ROBO2: variants seen among roughly 807,000 people sequenced by gnomAD.
ROBO2 encodes roundabout guidance receptor 2.
In ROBO2, 53 loss-of-function variants were observed where a neutral mutation model predicts 160.8. That is an observed-to-expected ratio of 0.33 (90% CI 0.26 to 0.41). ROBO2 has a LOEUF of 0.41. Ranked by LOEUF, ROBO2 falls within the 10% of genes least tolerant of loss-of-function variation. The pLI is 1.00. For missense variants in ROBO2, 1,577 were observed against 1,722.4 expected (o/e 0.92, Z 1.49); for synonymous variants, 664 against 611.7 (o/e 1.09, Z -1.26).
chr3:77,215,682 G>C (rs1381650119), intron 2 of ROBO2, among the ~76,000 whole-genome samples: 1 of 152,096 alleles, frequency 6.6e-6, no homozygotes, highest in Non-Finnish European at 1.5e-5. Context: ...CAGTTTTTCT[G>C]CTCTGTTTTT....
At chr3:76,472,721 T>G (rs1038786077) in intron 2 of ROBO2, among the ~76,000 whole-genome samples, 3 of 152,198 alleles carry the variant, frequency 2.0e-5, no homozygotes, top group Non-Finnish European at 4.4e-5. Flanking sequence ...TTCAATTTAA[T>G]TGGTCTTATA....
At position 76,653,585 on chromosome 3, in the gene ROBO2, TA is replaced by T. The variant is rs111469358; in HGVS notation, c.110-444426del. ...TATATCTTACTATCCTGCTTTTTTT[TA>T]AATTATACACACAGAGTTCATCAGT... On this transcript the variant is annotated intron_variant, in intron 2 of 26. Transcript: ENST00000487694. Among the ~76,000 whole-genome samples the T allele has an allele frequency of 4.2e-3, 636 of 152,164 alleles. 8 individuals carry two copies. The highest frequency in any genetic ancestry group is 0.034 in the South Asian group (164 of 4,824).
At chr3:77,028,842 TA>T (rs1361285136) in intron 2 of ROBO2, among the ~76,000 whole-genome samples, 17 of 152,244 alleles carry the variant, frequency 1.1e-4, no homozygotes, top group Admixed American at 2.6e-4. Flanking sequence ...ATTTGTGACA[TA>T]TTCTCTGTAC....
intron 2 of ROBO2, among the ~76,000 whole-genome samples, chr3:76,737,978 A>G (rs2093741632): frequency 6.6e-6 from 1 of 151,988 alleles, no homozygotes; most frequent in South Asian, 2.1e-4. Context: ...ACAAAAAAAT[A>G]CAAAAATTAG....
At chr3:76,315,158 C>T (rs956906307) in intron 2 of ROBO2, among the ~76,000 whole-genome samples, 1 of 152,164 alleles carries the variant, frequency 6.6e-6, no homozygotes, top group African/African-American at 2.4e-5. Context: ...CATGTCCCAC[C>T]CATTCTGGCA....
At chr3:76,797,407 C>T (rs1182691637) in intron 2 of ROBO2, among the ~76,000 whole-genome samples, 1 of 151,860 alleles carries the variant, frequency 6.6e-6, no homozygotes. Flanking sequence ...GGAAACACAA[C>T]ATACCAAAAC....
At chr3:76,361,625 G>T (rs1216911245) in intron 2 of ROBO2, among the ~76,000 whole-genome samples, 3 of 152,032 alleles carry the variant, frequency 2.0e-5, no homozygotes, top group Non-Finnish European at 4.4e-5. Flanking sequence ...AAACATTGTA[G>T]TTCAAACTCT....
intron 5 of ROBO2, among the ~76,000 whole-genome samples, chr3:77,522,441 C>A (rs1263395468): frequency 6.6e-6 from 1 of 150,944 alleles, no homozygotes; most frequent in Non-Finnish European, 1.5e-5. Context: ...ATATAACTCA[C>A]CAAGAAACTG....
At chr3:76,937,251 T>G (rs1357783161) in intron 2 of ROBO2, among the ~76,000 whole-genome samples, 1 of 152,202 alleles carries the variant, frequency 6.6e-6, no homozygotes, top group Non-Finnish European at 1.5e-5. Flanking sequence ...GATTCAAATG[T>G]CTACCTTACA....
intron 2 of ROBO2, among the ~76,000 whole-genome samples, chr3:76,462,935 A>AT (rs2078164373): frequency 6.6e-6 from 1 of 152,148 alleles, no homozygotes; most frequent in African/African-American, 2.4e-5. Flanking sequence ...GCTTAAGTAA[A>AT]TTGGCTGATT....
intron 2 of ROBO2, among the ~76,000 whole-genome samples, chr3:76,682,265 C>T (rs2092582840): frequency 6.6e-6 from 1 of 152,100 alleles, no homozygotes; most frequent in Non-Finnish European, 1.5e-5. Flanking sequence ...ACCAATTTAG[C>T]TTCATCTATG....
intron 2 of ROBO2, among the ~76,000 whole-genome samples, chr3:77,171,758 T>G (rs981469743): frequency 6.6e-6 from 1 of 152,198 alleles, no homozygotes; most frequent in African/African-American, 2.4e-5. Context: ...TCCACCAGAT[T>G]TTCTATAAAG....
intron 2 of ROBO2, among the ~76,000 whole-genome samples, chr3:76,737,198 A>G (rs62261767): frequency 0.02 from 3,038 of 152,286 alleles, 48 homozygotes; most frequent in Non-Finnish European, 0.029. Context: ...AAACTTTTGT[A>G]TGAAGTTTTA....
rs558715124 is a variant in ROBO2, at chr3:77,452,561, AT to A, written c.389-24852del. On this transcript the variant is annotated intron_variant, in intron 2 of 25. Coordinates refer to ENST00000461745, the Ensembl canonical transcript of ROBO2. ...TACATTCGATATTCTCATTCACAAAATGGCAATATAATAATACGTAATTTTG... is the reference window on the plus strand; with the variant it reads ...TACATTCGATATTCTCATTCACAAAAGGCAATATAATAATACGTAATTTTG... Among the ~76,000 whole-genome samples the A allele has an allele frequency of 3.1e-4, 47 of 152,284 alleles. No homozygotes were observed. The East Asian group carries it at 5.6e-3, about 18-fold the overall frequency.
In ROBO2 at chr3:77,519,206, AAAAC is replaced by A. The variant is rs530981445; in HGVS notation, c.807-3557_807-3554del. On this transcript the variant is annotated intron_variant, in intron 5 of 25. Transcript: ENST00000461745. ...CCCTGATCAACGTACCATTAATTAA[AAAAC>A]AAACAAACAAAATCTTATTCCTATT... Among the ~76,000 whole-genome samples, 12 of 151,598 alleles carry A rather than the reference AAAAC, an allele frequency of 7.9e-5. 1 individual carries two copies. The highest frequency in any genetic ancestry group is 3.9e-4 in the East Asian group (2 of 5,150).
At chr3:77,041,623 T>A (rs2064109838) in intron 1 of ROBO2, among the ~76,000 whole-genome samples, 1 of 152,236 alleles carries the variant, frequency 6.6e-6, no homozygotes, top group East Asian at 1.9e-4. Context: ...GTCAATTTCT[T>A]GTGCGACTAT....
chr3:76,699,946 A>T (rs998492802), intron 2 of ROBO2, among the ~76,000 whole-genome samples: 18 of 152,090 alleles, frequency 1.2e-4, no homozygotes, highest in African/African-American at 4.3e-4. Flanking sequence ...GAGCATGGTA[A>T]ATGCAACTTA....
At chr3:76,313,115 T>C (rs2071714867) in intron 2 of ROBO2, among the ~76,000 whole-genome samples, 1 of 152,256 alleles carries the variant, frequency 6.6e-6, no homozygotes, top group Non-Finnish European at 1.5e-5. Context: ...TTCATATTGT[T>C]AAAAGAATTC....
intron 1 of ROBO2, among the ~76,000 whole-genome samples, chr3:77,056,282 TC>T (rs1386006202): frequency 6.6e-6 from 1 of 152,066 alleles, no homozygotes; most frequent in African/African-American, 2.4e-5. Flanking sequence ...TAAAAACTTG[TC>T]CCCCAACCAC....
Sources: allele counts gnomAD v4.1 joint callset (sites outside exome capture counted in the v4.1 genomes callset), GRCh38; gene constraint gnomAD v4.1.1; transcripts MANE v1.5; gene names NCBI Gene and HGNC (gene_info 2026-07-23, HGNC 2026-07-21).